PALS2: variants seen among roughly 807,000 people sequenced by gnomAD.
PALS2 encodes protein PALS2.
A neutral mutation model predicts 61.6 loss-of-function variants in PALS2; 27 were observed. That is an observed-to-expected ratio of 0.44 (90% CI 0.32 to 0.60). PALS2 has a LOEUF of 0.60. Ranked by LOEUF, PALS2 falls within the 20% of genes least tolerant of loss-of-function variation. The pLI is 0.05. For synonymous variants in PALS2, 236 were observed against 218.6 expected (o/e 1.08, Z -0.70); for missense variants, 554 against 639.4 (o/e 0.87, Z 1.44).
At chr7:24,644,908 C>CT (rs1491262738) in intron 3 of PALS2, among the ~76,000 whole-genome samples, 3 of 152,050 alleles carry the variant, frequency 2.0e-5, no homozygotes, top group Non-Finnish European at 4.4e-5. Context: ...TGATATTGAG[C>CT]TTTTTTTCAT....
At chr7:24,663,528 T>C in intron 5 of PALS2, 62 bp from the exon 6 acceptor site, 2 of 1,443,198 alleles carry the variant, frequency 1.4e-6, no homozygotes. Context: ...TTGACAAGGA[T>C]TTTTTAAATT....
rs1195847622 is a variant in PALS2, at chr7:24,618,679, C to T, written c.-2-4987C>T. Among the ~76,000 whole-genome samples the T allele has an allele frequency of 6.6e-6, 1 of 152,208 alleles. No homozygotes were observed. The highest frequency in any genetic ancestry group is 1.5e-5 in the Non-Finnish European group (1 of 68,030). On this transcript the variant is annotated intron_variant, in intron 1 of 11. Transcript: ENST00000222644. The surrounding 1 kb of genome is among the most constrained non-coding windows in gnomAD (Gnocchi z 5.1). ...AGGTTCCTCTGATTACCTTCCTCCCCTACCAAGCCTCCGCTCCCACAAGGA... is the reference window on the plus strand; with the variant it reads ...AGGTTCCTCTGATTACCTTCCTCCCTTACCAAGCCTCCGCTCCCACAAGGA...
At chr7:24,647,151 A>ATT (rs761802777) in intron 3 of PALS2, among the ~76,000 whole-genome samples, 1,650 of 139,640 alleles carry the variant, frequency 0.012, 39 homozygotes, top group African/African-American at 0.04. Flanking sequence ...AATTTAATTA[A>ATT]TTTTTTTTTT....
At chr7:24,658,439 T>C (rs1040786885) in intron 5 of PALS2, among the ~76,000 whole-genome samples, 1 of 152,224 alleles carries the variant, frequency 6.6e-6, no homozygotes, top group Admixed American at 6.5e-5. Flanking sequence ...CTCCTTGTTA[T>C]AGGTTATTTC....
At chr7:24,589,590 A>G (rs1329986274) in intron 1 of PALS2, among the ~76,000 whole-genome samples, 1 of 152,100 alleles carries the variant, frequency 6.6e-6, no homozygotes, top group African/African-American at 2.4e-5. Context: ...AGTCAAATGC[A>G]TTTCTGTATT....
Position 24,623,728 on chromosome 7 carries a change from G to A in PALS2, c.61G>A (p.Asp21Asn), listed in dbSNP as rs771283348. 8.7e-6 allele frequency: 14 copies of A among 1,609,522 alleles called. No individual in the cohort carries two copies. In the East Asian group the frequency reaches 2.5e-4, roughly 28 times the overall value. The change falls in exon 2 of 12, where the codon GAC becomes AAC. Residue 21 changes from aspartate (D) to asparagine (N), a missense_variant. Physicochemically the swap from Asp to Asn is conservative, Grantham distance 23. Transcript: ENST00000222644. Reference protein sequence around the residue: ...LPSSTGAEEIDLIFLKGIMEN... With the variant: ...LPSSTGAEEINLIFLKGIMEN... Reference sequence around the variant, plus strand: ...CTCGTCTACTGGAGCAGAAGAAATAGACCTAATTTTCCTCAAGGGAATTAT... The same window carrying A: ...CTCGTCTACTGGAGCAGAAGAAATAAACCTAATTTTCCTCAAGGGAATTAT...
At chr7:24,684,292 G>A (rs936137056) in intron 11 of PALS2, among the ~76,000 whole-genome samples, 1 of 152,152 alleles carries the variant, frequency 6.6e-6, no homozygotes, top group Non-Finnish European at 1.5e-5. Flanking sequence ...TAGAGATGGC[G>A]TTTCACCATG....
chr7:24,613,142 T>A (rs1441803286), intron 1 of PALS2, among the ~76,000 whole-genome samples: 1 of 151,746 alleles, frequency 6.6e-6, no homozygotes, highest in African/African-American at 2.4e-5. Flanking sequence ...TTGGAAAGCT[T>A]TCAGTCTTTT....
intron 11 of PALS2, among the ~76,000 whole-genome samples, chr7:24,681,694 A>G (rs1209958679): frequency 6.6e-6 from 1 of 151,650 alleles, no homozygotes; most frequent in East Asian, 1.9e-4. Context: ...CAGTTTGGCC[A>G]CATATTTGTA....
At chr7:24,610,207 T>A (rs1784065804) in intron 1 of PALS2, among the ~76,000 whole-genome samples, 1 of 152,158 alleles carries the variant, frequency 6.6e-6, no homozygotes, top group African/African-American at 2.4e-5. Flanking sequence ...ATTCCCCCAT[T>A]TAACAGGTGA....
intron 1 of PALS2, among the ~76,000 whole-genome samples, chr7:24,588,050 G>GGTA (rs1783139994): frequency 6.6e-6 from 1 of 152,104 alleles, no homozygotes; most frequent in South Asian, 2.1e-4. Flanking sequence ...ACATCTAGTG[G>GGTA]GTAGAGGCCA....
intron 3 of PALS2, among the ~76,000 whole-genome samples, chr7:24,642,626 C>A (rs1785620748): frequency 6.6e-6 from 1 of 152,156 alleles, no homozygotes; most frequent in Non-Finnish European, 1.5e-5. Context: ...CTTTCCCCTG[C>A]AAATCTTAGC....
At chr7:24,663,814 T>A (rs1786866274) in intron 6 of PALS2, 93 bp downstream of exon 6, 2 of 1,416,528 alleles carry the variant, frequency 1.4e-6, no homozygotes, top group Admixed American at 4.1e-5. Flanking sequence ...ATATTAGCAT[T>A]TGTTACAATG....
chr7:24,616,736 G>A (rs1304697572), intron 1 of PALS2, among the ~76,000 whole-genome samples: 2 of 152,038 alleles, frequency 1.3e-5, no homozygotes, highest in African/African-American at 4.8e-5. Context: ...AATATCCCTT[G>A]TTTCTTACAT....
At chr7:24,585,999 GT>G (rs1449116370) in intron 1 of PALS2, among the ~76,000 whole-genome samples, 1 of 152,068 alleles carries the variant, frequency 6.6e-6, no homozygotes, top group African/African-American at 2.4e-5. Flanking sequence ...CTTAGAATTT[GT>G]TACTCTCCAG....
chr7:24,598,032 G>T (rs1783585681), intron 1 of PALS2, among the ~76,000 whole-genome samples: 1 of 152,140 alleles, frequency 6.6e-6, no homozygotes, highest in African/African-American at 2.4e-5. Flanking sequence ...AAAATAAGAG[G>T]TGAGGGGAGA....
chr7:24,601,723 C>G (rs1429630410), intron 1 of PALS2, among the ~76,000 whole-genome samples: 2 of 152,074 alleles, frequency 1.3e-5, no homozygotes, highest in African/African-American at 2.4e-5. Context: ...TAACTATCCT[C>G]ACACTTGATT....
At chr7:24,600,628 A>T (rs1445887888) in intron 1 of PALS2, among the ~76,000 whole-genome samples, 1 of 151,028 alleles carries the variant, frequency 6.6e-6, no homozygotes, top group Non-Finnish European at 1.5e-5. Flanking sequence ...CATTTTGTAT[A>T]AGTTAAATCG....
intron 1 of PALS2, among the ~76,000 whole-genome samples, chr7:24,606,994 C>T (rs535729228): frequency 6.6e-6 from 1 of 152,230 alleles, no homozygotes; most frequent in East Asian, 1.9e-4. Context: ...TGACCTGTCA[C>T]GTGAGGTCAG....
Sources: allele counts gnomAD v4.1 joint callset (sites outside exome capture counted in the v4.1 genomes callset), GRCh38; gene constraint gnomAD v4.1.1; non-coding constraint Gnocchi (gnomAD v3.1); transcripts MANE v1.5; gene names NCBI Gene and HGNC (gene_info 2026-07-23, HGNC 2026-07-21).